The following PIK3CD variants were observed in gnomAD, a reference collection of about 807,000 sequenced individuals.
The protein encoded by PIK3CD is phosphatidylinositol-4,5-bisphosphate 3-kinase catalytic subunit delta.
A neutral mutation model predicts 122.9 loss-of-function variants in PIK3CD; 20 were observed. That is an observed-to-expected ratio of 0.16 (90% CI 0.11 to 0.24). The LOEUF is 0.24. PIK3CD is among the 10% of genes least tolerant of loss of function. The probability of loss-of-function intolerance (pLI) is 1.00; values close to 1 mark genes in which losing one functional copy is unlikely to be tolerated. For missense variants in PIK3CD, 787 were observed against 1,406.3 expected, an observed-to-expected ratio of 0.56 and a Z score of 7.04; for synonymous variants, 596 against 593.4, an observed-to-expected ratio of 1.00 and a Z score of -0.06.
chr1:9,703,178 A>C (rs1646710648), intron 2 of PIK3CD, among the ~76,000 whole-genome samples: 3 of 152,216 alleles, frequency 2.0e-5, no homozygotes, highest in African/African-American at 4.8e-5. Context: ...GTCCCAGAGA[A>C]GCCTAGATGT....
intron 2 of PIK3CD, among the ~76,000 whole-genome samples, chr1:9,697,091 G>T (rs574940362): frequency 6.6e-6 from 1 of 151,446 alleles, no homozygotes; most frequent in South Asian, 2.1e-4. Context: ...AAAATTGTAG[G>T]CTGAGCACAG....
At chr1:9,663,787 A>G (rs188101479) in intron 1 of PIK3CD, among the ~76,000 whole-genome samples, 1 of 131,030 alleles carries the variant, frequency 7.6e-6, no homozygotes, top group African/African-American at 3.0e-5. Context: ...CCTGTGTCCA[A>G]GTGTTCTCAT....
the PIK3CD span, among the ~76,000 whole-genome samples, chr1:9,629,897 G>A: frequency 1.7e-4 from 26 of 152,268 alleles, no homozygotes; most frequent in South Asian, 1.0e-3. Context: ...CGAATTTTGC[G>A]CCATTACTCT....
At chr1:9,698,775 G>A (rs1646514549) in intron 2 of PIK3CD, among the ~76,000 whole-genome samples, 1 of 152,120 alleles carries the variant, frequency 6.6e-6, no homozygotes, top group Admixed American at 6.5e-5. Flanking sequence ...CTCCACCTGG[G>A]TGCAGGCCTG....
intron 1 of PIK3CD, among the ~76,000 whole-genome samples, chr1:9,673,100 T>A (rs906727173): frequency 1.9e-5 from 2 of 105,402 alleles, no homozygotes; most frequent in African/African-American, 8.9e-5. Context: ...TTAATCCTAC[T>A]TTTTTTTTTT....
At position 9,722,136 on chromosome 1, in the gene PIK3CD, C is replaced by T. The variant is rs1432882069; in HGVS notation, c.2217C>T (p.Thr739=). 3.1e-6 allele frequency: 5 copies of T among 1,612,924 alleles called. No homozygotes were observed. Among genetic ancestry groups the T allele is most frequent in the African/African-American group, 1.3e-5 (1 of 74,910 alleles). The change falls in exon 17 of 24, where the codon ACC becomes ACT. Residue 739 remains threonine (T), a synonymous_variant. Transcript: ENST00000377346. The surrounding 1 kb of genome is among the most constrained non-coding windows in gnomAD (Gnocchi z 7.6). ...TGCAGTCCCCACTCGACCCCAGCAC[C>T]CTGCTGGCTGAAGTCTGGTGAGCCC... is the stretch of plus-strand genomic sequence containing the variant. The part of the protein sequence containing the change: ...SHLQSPLDPS[T]LLAEVCVEQC...
Position 9,719,013 on chromosome 1 carries a change from C to A in PIK3CD, c.1242+98C>A. On this transcript the variant is annotated intron_variant, in intron 9 of 23. Coordinates refer to ENST00000377346, the MANE Select transcript of PIK3CD (RefSeq NM_005026.5). This position sits in a 1 kb window ranked among gnomAD's most constrained non-coding sequence, Gnocchi z 5.5. Reference sequence around the variant, plus strand: ...CACTCTCCTCCCGGCAAGCACGCAGCCTGGGGATGGGGGTCCTGGGATTGC... The same window carrying A: ...CACTCTCCTCCCGGCAAGCACGCAGACTGGGGATGGGGGTCCTGGGATTGC... 1.7e-6 allele frequency: 2 copies of A among 1,157,606 alleles called. No homozygotes were observed. The highest frequency in any genetic ancestry group is 2.5e-5 in the East Asian group (1 of 39,534). 71.7% of individuals were successfully genotyped at this position (1,157,606 alleles called of 1,614,324 possible).
chr1:9,662,547 T>A (rs1645039937), intron 1 of PIK3CD: 1 of 152,764 alleles, frequency 6.5e-6, no homozygotes, highest in Non-Finnish European at 1.5e-5. Flanking sequence ...CAATCTCTCT[T>A]CCTGCGAATA....
At chr1:9,691,892 T>C (rs1454231307) in intron 2 of PIK3CD, 3 of 230,098 alleles carry the variant, frequency 1.3e-5, no homozygotes, top group Non-Finnish European at 2.5e-5. Flanking sequence ...CTGGCCACGG[T>C]AGCGTTGGAC....
chr1:9,684,342 G>A (rs1645883108), intron 1 of PIK3CD, among the ~76,000 whole-genome samples: 2 of 152,082 alleles, frequency 1.3e-5, no homozygotes, highest in Admixed American at 6.6e-5. Context: ...TTCGAGACCA[G>A]CCTGGCCAAC....
intron 23 of PIK3CD, among the ~76,000 whole-genome samples, chr1:9,726,164 G>T (rs765066180): frequency 7.2e-5 from 11 of 152,038 alleles, no homozygotes; most frequent in Non-Finnish European, 1.3e-4. Flanking sequence ...AGTAAGCCTA[G>T]ATCGCGCCAC....
chr1:9,706,791 C>G (rs1279994434), intron 2 of PIK3CD, among the ~76,000 whole-genome samples: 1 of 148,840 alleles, frequency 6.7e-6, no homozygotes, highest in African/African-American at 2.5e-5. Context: ...CTGTTTTTGG[C>G]TTTTTTTGAT....
chr1:9,724,522 C>T lies in PIK3CD; in HGVS notation c.2864+101C>T, dbSNP rs762167042. ...GTGCAGGATGGGGCTCAGGTCTCAA[C>T]CCCACACCTGGCCCCTCACCCCAAC... On this transcript the variant is annotated intron_variant, in intron 22 of 23. Coordinates refer to ENST00000377346, the MANE Select transcript of PIK3CD (RefSeq NM_005026.5). This position sits in a 1 kb window ranked among gnomAD's most constrained non-coding sequence, Gnocchi z 7.3. The T allele has an allele frequency of 6.0e-6, 8 of 1,334,732 alleles. No homozygotes were observed. Among genetic ancestry groups the T allele is most frequent in the Non-Finnish European group, 8.5e-6 (8 of 939,778 alleles). 82.7% of individuals were successfully genotyped at this position (1,334,732 alleles called of 1,614,324 possible).
chr1:9,703,830 C>A (rs1251470880), intron 2 of PIK3CD, among the ~76,000 whole-genome samples: 1 of 152,126 alleles, frequency 6.6e-6, no homozygotes, highest in Non-Finnish European at 1.5e-5. Flanking sequence ...CACTCTTGCC[C>A]GTGTCTTTTG....
Position 9,718,628 on chromosome 1 carries a change from C to A in PIK3CD, c.1021-66C>A. On this transcript the variant is annotated intron_variant, in intron 8 of 23. Coordinates refer to ENST00000377346, the MANE Select transcript of PIK3CD (RefSeq NM_005026.5). This position sits in a 1 kb window ranked among gnomAD's most constrained non-coding sequence, Gnocchi z 7.2. The stretch of plus-strand genomic sequence containing the variant: ...GGACATTCAAGGGGGAGACTGACAC[C>A]TTAAGGGGGAGGGGAGAGGGGCTGG... 1 of 1,449,912 alleles carries A rather than the reference C, an allele frequency of 6.9e-7. No individual in the cohort carries two copies. The highest frequency in any genetic ancestry group is 9.6e-7 in the Non-Finnish European group (1 of 1,046,610). The allele number at this position is 1,449,912 out of a possible 1,614,324, so 89.8% of individuals were successfully genotyped here.
the PIK3CD span, among the ~76,000 whole-genome samples, chr1:9,645,762 T>C: frequency 6.6e-6 from 1 of 151,802 alleles, no homozygotes; most frequent in Non-Finnish European, 1.5e-5. Flanking sequence ...CCCGCCACCA[T>C]GCTCAGCTAA....
At chr1:9,683,710 G>C (rs745581502) in intron 1 of PIK3CD, among the ~76,000 whole-genome samples, 1 of 152,120 alleles carries the variant, frequency 6.6e-6, no homozygotes, top group East Asian at 1.9e-4. Context: ...AAGCTCAGCG[G>C]TATAAAGCAA....
intron 1 of PIK3CD, among the ~76,000 whole-genome samples, chr1:9,661,565 T>TC (rs1379227234): frequency 6.6e-6 from 1 of 151,752 alleles, no homozygotes; most frequent in East Asian, 1.9e-4. Context: ...ATTTAAAACA[T>TC]TTTTTTTAGT....
chr1:9,686,245 G>A (rs1645960074), intron 1 of PIK3CD, among the ~76,000 whole-genome samples: 1 of 152,136 alleles, frequency 6.6e-6, no homozygotes, highest in Non-Finnish European at 1.5e-5. Flanking sequence ...AGAGGAGCAG[G>A]AATCTAATTT....
Sources: allele counts gnomAD v4.1 joint callset (sites outside exome capture counted in the v4.1 genomes callset), GRCh38; gene constraint gnomAD v4.1.1; non-coding constraint Gnocchi (gnomAD v3.1); transcripts MANE v1.5; gene names NCBI Gene and HGNC (gene_info 2026-07-23, HGNC 2026-07-21).